TENM3: variants seen among roughly 807,000 people sequenced by gnomAD.
The protein encoded by TENM3 is teneurin-3.
In TENM3, 63 loss-of-function variants were observed where a neutral mutation model predicts 255.1. The ratio of observed to expected loss-of-function variants is 0.25; its 90% CI spans 0.20 to 0.30. The LOEUF (loss-of-function observed/expected upper bound fraction) is 0.30, where lower values mean the gene tolerates loss of function less well. Ranked by LOEUF, TENM3 falls within the 10% of genes least tolerant of loss-of-function variation. The pLI, the probability that TENM3 is intolerant of heterozygous loss-of-function variation, is 1.00. For synonymous variants in TENM3, 1,306 were observed against 1,322.3 expected (o/e 0.99, Z 0.27); for missense variants, 2,929 against 3,461.1 (o/e 0.85, Z 3.86).
At chr4:181,974,093 G>A in the TENM3 span, among the ~76,000 whole-genome samples, 1 of 152,288 alleles carries the variant, frequency 6.6e-6, no homozygotes, top group East Asian at 1.9e-4. Flanking sequence ...AGACCAGTGG[G>A]GAGCCACTCA....
chr4:182,054,754 CAT>C, the TENM3 span, among the ~76,000 whole-genome samples: 51 of 152,182 alleles, frequency 3.4e-4, no homozygotes, highest in African/African-American at 1.2e-3. Flanking sequence ...CAAAACATCT[CAT>C]GTGCCCCATA....
At chr4:181,622,911 G>A in the TENM3 span, among the ~76,000 whole-genome samples, 22 of 152,044 alleles carry the variant, frequency 1.4e-4, no homozygotes, top group Admixed American at 4.6e-4. Context: ...TCTTAACTGA[G>A]GTACACACAT....
chr4:182,727,508 C>T (rs1760311302), intron 13 of TENM3, among the ~76,000 whole-genome samples: 1 of 150,482 alleles, frequency 6.6e-6, no homozygotes, highest in Admixed American at 6.6e-5. Context: ...AAAGCCTGAC[C>T]TTAAAGGATA....
intron 3 of TENM3, among the ~76,000 whole-genome samples, chr4:182,499,452 C>T (rs1223668672): frequency 1.3e-5 from 2 of 152,150 alleles, no homozygotes; most frequent in Non-Finnish European, 2.9e-5. Flanking sequence ...AGGTTTATGT[C>T]ACTGCAGAGG....
the TENM3 span, among the ~76,000 whole-genome samples, chr4:181,615,719 G>T: frequency 6.6e-6 from 1 of 152,136 alleles, no homozygotes; most frequent in Non-Finnish European, 1.5e-5. Flanking sequence ...ATTCTGCAAG[G>T]TCAGAGGGTA....
the TENM3 span, among the ~76,000 whole-genome samples, chr4:181,533,018 T>C: frequency 6.6e-6 from 1 of 152,190 alleles, no homozygotes; most frequent in Non-Finnish European, 1.5e-5. Flanking sequence ...AACAGCATTT[T>C]ACAAACGTGA....
intron 3 of TENM3, among the ~76,000 whole-genome samples, chr4:182,459,000 AACTTTTTTGAAACT>A (rs1774117167): frequency 6.6e-6 from 1 of 152,182 alleles, no homozygotes; most frequent in South Asian, 2.1e-4. Context: ...CCATTCACCA[AACTTTTTTGAAACT>A]ACTTTTTTGA....
chr4:181,737,663 A>G, the TENM3 span, among the ~76,000 whole-genome samples: 1 of 152,128 alleles, frequency 6.6e-6, no homozygotes, highest in Non-Finnish European at 1.5e-5. Context: ...AAGATAATTT[A>G]AGGATTCCTT....
the TENM3 span, among the ~76,000 whole-genome samples, chr4:182,027,539 G>C: frequency 1.4e-5 from 2 of 147,808 alleles, no homozygotes; most frequent in African/African-American, 5.0e-5. Context: ...GGGCATCCTG[G>C]TTCCATTCTA....
the TENM3 span, among the ~76,000 whole-genome samples, chr4:181,927,888 G>A: frequency 6.6e-6 from 1 of 152,188 alleles, no homozygotes. Flanking sequence ...GGCAAACAAG[G>A]TCTGGAGTGG....
chr4:182,039,161 C>T, the TENM3 span, among the ~76,000 whole-genome samples: 3 of 152,276 alleles, frequency 2.0e-5, no homozygotes, highest in Non-Finnish European at 4.4e-5. Context: ...CTCCACCAAT[C>T]GCTTTATTTC....
intron 2 of TENM3, among the ~76,000 whole-genome samples, chr4:182,331,435 A>T (rs144980562): frequency 0.022 from 3,294 of 152,178 alleles, 57 homozygotes; most frequent in Middle Eastern, 0.037. Context: ...GGTCCCAGCT[A>T]CTCAGGAGGC....
intron 3 of TENM3, among the ~76,000 whole-genome samples, chr4:182,404,306 C>A (rs1359963002): frequency 2.0e-5 from 3 of 152,168 alleles, no homozygotes; most frequent in Non-Finnish European, 4.4e-5. Flanking sequence ...AGTATTCAAT[C>A]TAAATCCTCC....
At chr4:181,635,468 G>A in the TENM3 span, among the ~76,000 whole-genome samples, 5 of 152,188 alleles carry the variant, frequency 3.3e-5, no homozygotes, top group Non-Finnish European at 1.5e-5. Flanking sequence ...AAAGGGATTC[G>A]CTGCAGTTCA....
At chr4:181,690,101 G>A in the TENM3 span, among the ~76,000 whole-genome samples, 2 of 152,086 alleles carry the variant, frequency 1.3e-5, no homozygotes, top group African/African-American at 4.8e-5. Context: ...TAGTTGATGG[G>A]GCTCATTAAA....
At chr4:181,706,017 G>A in the TENM3 span, among the ~76,000 whole-genome samples, 1 of 152,108 alleles carries the variant, frequency 6.6e-6, no homozygotes, top group Admixed American at 6.5e-5. Context: ...ATACTGGATG[G>A]CTTAAACAAC....
chr4:182,587,211 C>T (rs1267761615), intron 3 of TENM3, among the ~76,000 whole-genome samples: 3 of 152,030 alleles, frequency 2.0e-5, no homozygotes, highest in African/African-American at 7.2e-5. Flanking sequence ...CCATCTCAGC[C>T]TCCCAAGTAT....
the TENM3 span, among the ~76,000 whole-genome samples, chr4:181,747,534 C>G: frequency 2.6e-5 from 4 of 151,866 alleles, no homozygotes; most frequent in East Asian, 7.8e-4. Context: ...AATTTTTGCC[C>G]ACTTTTCTAT....
intron 1 of TENM3, among the ~76,000 whole-genome samples, chr4:182,162,587 C>G (rs1286263304): frequency 2.0e-5 from 3 of 152,176 alleles, no homozygotes; most frequent in Non-Finnish European, 4.4e-5. Context: ...GCTGCTGTAA[C>G]AAGACACCTG....
Sources: allele counts gnomAD v4.1 joint callset (sites outside exome capture counted in the v4.1 genomes callset), GRCh38; gene constraint gnomAD v4.1.1; transcripts MANE v1.5; gene names NCBI Gene and HGNC (gene_info 2026-07-23, HGNC 2026-07-21).